The following LRRC8B variants were observed in gnomAD, a reference collection of about 807,000 sequenced individuals.
LRRC8B encodes the protein leucine rich repeat containing 8 VRAC subunit B.
LRRC8B carries 23 observed loss-of-function variants against 58.8 expected under a neutral mutation model. The observed-to-expected ratio is 0.39, with a 90% CI of 0.28 to 0.55. LRRC8B has a LOEUF of 0.55. LRRC8B is among the 20% of genes least tolerant of loss of function. LRRC8B has a pLI of 0.62. For missense variants in LRRC8B, 694 were observed against 936.0 expected (o/e 0.74, Z 3.37); for synonymous variants, 359 against 374.1 (o/e 0.96, Z 0.47).
At chr1:89,543,301 A>G (rs1651155719) in intron 1 of LRRC8B, among the ~76,000 whole-genome samples, 2 of 152,226 alleles carry the variant, frequency 1.3e-5, no homozygotes, top group African/African-American at 4.8e-5. Context: ...ATGGGTAACA[A>G]TACTCAAAGT....
intron 1 of LRRC8B, among the ~76,000 whole-genome samples, chr1:89,545,356 A>T (rs996426686): frequency 1.3e-5 from 2 of 152,232 alleles, no homozygotes; most frequent in African/African-American, 4.8e-5. Context: ...GACAATTTAG[A>T]GAGGGAGAGA....
At chr1:89,576,899 C>G (rs1033865820) in intron 3 of LRRC8B, among the ~76,000 whole-genome samples, 2 of 152,074 alleles carry the variant, frequency 1.3e-5, no homozygotes, top group South Asian at 4.1e-4. Context: ...TTAAATCTCT[C>G]AAGAATGGTG....
intron 5 of LRRC8B, among the ~76,000 whole-genome samples, chr1:89,591,665 A>G (rs1557627099): frequency 6.6e-6 from 1 of 152,168 alleles, no homozygotes; most frequent in Admixed American, 6.5e-5. Context: ...TTTAGTTTAT[A>G]TAAAAGCTAT....
chr1:89,566,355 C>A (rs186524119), intron 1 of LRRC8B, among the ~76,000 whole-genome samples: 65 of 152,234 alleles, frequency 4.3e-4, no homozygotes, highest in Admixed American at 3.5e-3. Context: ...GTGGGATGTT[C>A]TTTTTTTAAA....
At chr1:89,544,424 A>G (rs1383186774) in intron 1 of LRRC8B, among the ~76,000 whole-genome samples, 1 of 152,180 alleles carries the variant, frequency 6.6e-6, no homozygotes, top group African/African-American at 2.4e-5. Context: ...TAATAATCTC[A>G]TTTGGATTTA....
chr1:89,570,734 A>G (rs1347639650), intron 3 of LRRC8B, among the ~76,000 whole-genome samples: 1 of 151,988 alleles, frequency 6.6e-6, no homozygotes, highest in Non-Finnish European at 1.5e-5. Context: ...CCATTTGTCA[A>G]TTTTTGCTTT....
intron 3 of LRRC8B, among the ~76,000 whole-genome samples, chr1:89,578,404 T>G (rs1653998380): frequency 6.6e-6 from 1 of 151,020 alleles, no homozygotes; most frequent in South Asian, 2.1e-4. Context: ...TTGTAAGACT[T>G]TTATAAAGGC....
At chr1:89,590,651 C>A (rs532979545) in intron 5 of LRRC8B, among the ~76,000 whole-genome samples, 10 of 152,150 alleles carry the variant, frequency 6.6e-5, no homozygotes, top group Non-Finnish European at 1.0e-4. Flanking sequence ...GTGCTGATAG[C>A]CAGACAAGAG....
intron 1 of LRRC8B, among the ~76,000 whole-genome samples, chr1:89,547,900 G>T (rs944715850): frequency 1.3e-5 from 2 of 152,158 alleles, no homozygotes; most frequent in African/African-American, 4.8e-5. Context: ...TCAAGTAATT[G>T]CTCAGAAGGC....
At chr1:89,575,539 A>G (rs1190287935) in intron 3 of LRRC8B, among the ~76,000 whole-genome samples, 1 of 152,152 alleles carries the variant, frequency 6.6e-6, no homozygotes, top group Non-Finnish European at 1.5e-5. Context: ...TCAAGAAATA[A>G]AACCTTTTCT....
Position 89,568,503 on chromosome 1 carries a change from A to G in LRRC8B, c.-125+10A>G, listed in dbSNP as rs988567864. ...GACCAGCATTCATAGGGTAAGATTAACATCCTGAATTGTAAACACATGGTA... is the reference window on the plus strand; with the variant it reads ...GACCAGCATTCATAGGGTAAGATTAGCATCCTGAATTGTAAACACATGGTA... On this transcript the variant is annotated intron_variant, in intron 3 of 5. Transcript: ENST00000330947. The G allele has an allele frequency of 3.6e-4, 55 of 152,272 alleles. 1 individual carries two copies. The highest frequency in any genetic ancestry group is 1.3e-3 in the African/African-American group (53 of 41,580). The allele number at this position is 152,272 out of a possible 1,614,324, so 9.4% of individuals were successfully genotyped here.
In LRRC8B at chr1:89,537,633, G is replaced by A. The variant is rs182745949; in HGVS notation, c.-241+12611G>A. The stretch of plus-strand genomic sequence containing the variant: ...GATTATAGGCACACACCACTACACC[G>A]GGCTAATTTTTGTATTTTTACTAGA... On this transcript the variant is annotated intron_variant, in intron 1 of 5. Coordinates refer to ENST00000330947, the MANE Select transcript of LRRC8B (RefSeq NM_001369817.2). Among the ~76,000 whole-genome samples, 319 of 151,894 alleles carry A rather than the reference G, an allele frequency of 2.1e-3. 3 individuals carry two copies. The highest frequency in any genetic ancestry group is 7.2e-3 in the African/African-American group (299 of 41,430).
rs148429579 is a variant in LRRC8B, at chr1:89,592,909, C to T, written c.2278C>T (p.Leu760=). The T allele has an allele frequency of 2.7e-5, 44 of 1,614,120 alleles. No individual in the cohort carries two copies. The African/African-American group carries it at 5.2e-4, about 19-fold the overall frequency. Reference sequence around the variant, plus strand: ...TCATCTGGAGCTCATTGGTAATTACCTGGAAACACTTCCTCCTGAACTAGA... The same window carrying T: ...TCATCTGGAGCTCATTGGTAATTACTTGGAAACACTTCCTCCTGAACTAGA... The part of the protein sequence containing the change: ...LTHLELIGNY[L]ETLPPELEGC... Residue 760 remains leucine (L), a synonymous_variant, in exon 6 of 6, where the codon CTG becomes TTG. Transcript: ENST00000330947.
intron 1 of LRRC8B, among the ~76,000 whole-genome samples, chr1:89,525,648 G>A (rs1283678420): frequency 6.6e-6 from 1 of 152,252 alleles, no homozygotes; most frequent in Non-Finnish European, 1.5e-5. Context: ...GAGCTTAGTT[G>A]AGCAGGTGCT....
At chr1:89,565,892 G>A (rs551568008) in intron 1 of LRRC8B, among the ~76,000 whole-genome samples, 13 of 152,212 alleles carry the variant, frequency 8.5e-5, no homozygotes, top group South Asian at 2.1e-4. Flanking sequence ...GCACTGTATC[G>A]AAAAAGAGTA....
At chr1:89,529,590 G>A (rs1276778588) in intron 1 of LRRC8B, among the ~76,000 whole-genome samples, 2 of 152,034 alleles carry the variant, frequency 1.3e-5, no homozygotes, top group African/African-American at 4.8e-5. Context: ...TAAAGTGGTA[G>A]CTTTTCTTTT....
chr1:89,574,422 A>T (rs554549806), intron 3 of LRRC8B, among the ~76,000 whole-genome samples: 9 of 152,332 alleles, frequency 5.9e-5, no homozygotes, highest in African/African-American at 1.7e-4. Context: ...TACTATTGCT[A>T]TTGGAGGATG....
intron 1 of LRRC8B, among the ~76,000 whole-genome samples, chr1:89,552,325 C>T (rs1413567465): frequency 2.0e-5 from 3 of 152,178 alleles, no homozygotes; most frequent in Non-Finnish European, 2.9e-5. Flanking sequence ...CACACCCAAT[C>T]TCCTTGGAAT....
chr1:89,585,732 C>A (rs1260199414), intron 5 of LRRC8B, among the ~76,000 whole-genome samples: 1 of 151,974 alleles, frequency 6.6e-6, no homozygotes, highest in Non-Finnish European at 1.5e-5. Context: ...TCGCTTGAAC[C>A]CGGGAGGTGG....
Sources: gnomAD v4.1 joint callset for allele counts (sites outside exome capture counted in the v4.1 genomes callset) on GRCh38, gnomAD v4.1.1 for gene constraint, MANE v1.5 for transcripts, NCBI Gene and HGNC (gene_info 2026-07-23, HGNC 2026-07-21) for gene names.